Variants in PZP observed in about 807,000 individuals in gnomAD.
PZP encodes the protein pregnancy zone protein.
In PZP, 150 loss-of-function variants were observed where a neutral mutation model predicts 179.8. That is an observed-to-expected ratio of 0.83 (90% CI 0.73 to 0.96). The LOEUF (loss-of-function observed/expected upper bound fraction) is 0.96, where lower values mean the gene tolerates loss of function less well. PZP is among the 40% of genes least tolerant of loss of function. The pLI, the probability that PZP is intolerant of heterozygous loss-of-function variation, is 0.00. For missense variants in PZP, 1,689 were observed against 1,764.0 expected, an observed-to-expected ratio of 0.96 and a Z score of 0.76; for synonymous variants, 624 against 652.3, an observed-to-expected ratio of 0.96 and a Z score of 0.66.
Position 9,192,251 on chromosome 12 carries a change from C to A in PZP, c.1488G>T (p.Met496Ile). The change falls in exon 13 of 36, where the codon ATG becomes ATT. Residue 496 changes from methionine (M) to isoleucine (I), a missense_variant. This residue lies in a region of PZP where 742 missense variants were observed against 730.5 expected (regional missense o/e 1.02). Transcript: ENST00000261336. ...CAGATCTGACGATGACTCCCTTAGC[C>A]ATGATCTGAAATGAAAAAACAGTGA... ...LSELSFHYLI[M>I]AKGVIVRSGT... is the part of the protein sequence containing the mutation. 6.2e-7 allele frequency: 1 copy of A among 1,613,944 alleles called. No individual in the cohort carries two copies. The highest frequency in any genetic ancestry group is 8.5e-7 in the Non-Finnish European group (1 of 1,179,874).
At position 9,162,730 on chromosome 12, in the gene PZP, G is replaced by A. The variant is rs746243703; in HGVS notation, c.2737-82C>T. On this transcript the variant is annotated intron_variant, in intron 21 of 35. Transcript: ENST00000261336. ...CCACATGGATTCCTTTCTTTGATGG[G>A]TAGGGTTTACACGAATGATGTTTAC... 9.1e-5 allele frequency: 104 copies of A among 1,138,434 alleles called. 1 individual carries two copies. In the African/African-American group the frequency reaches 1.2e-3, roughly 13 times the overall value. 70.5% of individuals were successfully genotyped at this position (1,138,434 alleles called of 1,614,324 possible).
chr12:9,193,742 A>G (rs1255271231), intron 11 of PZP, among the ~76,000 whole-genome samples: 1 of 152,172 alleles, frequency 6.6e-6, no homozygotes, highest in African/African-American at 2.4e-5. Context: ...TGATCACTTT[A>G]CAAAATTTCT....
chr12:9,150,683 T>C lies in PZP; in HGVS notation c.4345A>G (p.Lys1449Glu). 6.2e-7 allele frequency: 1 copy of C among 1,612,824 alleles called. No individual in the cohort carries two copies. The highest frequency in any genetic ancestry group is 8.5e-7 in the Non-Finnish European group (1 of 1,179,152). The change falls in exon 34 of 36, where the codon AAG becomes GAG. Residue 1449 changes from lysine (K) to glutamate (E), a missense_variant. This residue lies in a region of PZP where 746 missense variants were observed against 749.2 expected (regional missense o/e 1.00). Transcript: ENST00000261336. ...TCATAGACTTTAACAATTGCTGGCT[T>C]CAAGTCTCCTACTGGGATGTCTTGC... ...VLQDIPVGDL[K>E]PAIVKVYDYY...
chr12:9,166,270 G>T, intron 17 of PZP, 68 bp from the exon 18 acceptor site: 1 of 1,509,800 alleles, frequency 6.6e-7, no homozygotes, highest in Non-Finnish European at 9.0e-7. Flanking sequence ...CATGTGAGAC[G>T]TTAGAGAACA....
chr12:9,154,890 A>G (rs1178039908), intron 28 of PZP, 51 bp from the exon 29 acceptor site: 20 of 1,506,992 alleles, frequency 1.3e-5, no homozygotes, highest in Non-Finnish European at 1.8e-5. Flanking sequence ...AAGTAATTAT[A>G]ACTGGTAGAT....
At chr12:9,178,813 G>T (rs4882983) in intron 15 of PZP, among the ~76,000 whole-genome samples, 1 of 151,964 alleles carries the variant, frequency 6.6e-6, no homozygotes, top group Non-Finnish European at 1.5e-5. Context: ...ACACACCCCT[G>T]CAGATCAGGG....
At chr12:9,150,529 G>T in intron 34 of PZP, 115 bp downstream of exon 34, 1 of 695,228 alleles carries the variant, frequency 1.4e-6, no homozygotes, top group Non-Finnish European at 2.4e-6. Flanking sequence ...GTACATCTTG[G>T]AGGAAAGAAA....
At position 9,193,718 on chromosome 12, in the gene PZP, AGT is replaced by A. The variant is rs143202543; in HGVS notation, c.1254+357_1254+358del. 3.3e-5 allele frequency among the ~76,000 whole-genome samples: 5 copies of A among 151,906 alleles called. No individual in the cohort carries two copies. In the East Asian group the frequency reaches 5.8e-4, roughly 18 times the overall value. ...CATCGTCATTAGACAGTGTATATTA[AGT>A]GTGTGTGTGTGTGATCACTTTACAA... On this transcript the variant is annotated intron_variant, in intron 11 of 35. Coordinates refer to ENST00000261336, the MANE Select transcript of PZP (RefSeq NM_002864.3).
intron 4 of PZP, 23 bp from the exon 5 acceptor site, chr12:9,201,370 A>G: frequency 1.3e-6 from 2 of 1,545,008 alleles, no homozygotes; most frequent in Non-Finnish European, 8.9e-7. Context: ...AGGAAAGAAG[A>G]GATGTGATTA....
chr12:9,136,591 G>T, the PZP span, among the ~76,000 whole-genome samples: 1 of 152,060 alleles, frequency 6.6e-6, no homozygotes, highest in African/African-American at 2.4e-5. Context: ...TACAAATATA[G>T]ATGAATATAT....
intron 30 of PZP, 29 bp from the exon 31 acceptor site, chr12:9,152,980 T>A (rs1373034657): frequency 3.1e-6 from 5 of 1,613,776 alleles, no homozygotes; most frequent in Non-Finnish European, 4.2e-6. Context: ...ACTATCAGTT[T>A]CTCTCTTTTT....
chr12:9,192,136 A>G (rs1405590788), intron 13 of PZP, 57 bp downstream of exon 13: 3 of 1,424,850 alleles, frequency 2.1e-6, no homozygotes, highest in East Asian at 4.6e-5. Context: ...ACTGTCACCG[A>G]GGGAAGGGTA....
At chr12:9,162,116 C>G (rs1402171496) in intron 22 of PZP, among the ~76,000 whole-genome samples, 1 of 152,156 alleles carries the variant, frequency 6.6e-6, no homozygotes, top group East Asian at 1.9e-4. Context: ...CGCCCGCCAC[C>G]AGGCCTGGCT....
chr12:9,146,760 C>T (rs1036354966), downstream of PZP, among the ~76,000 whole-genome samples: 6 of 152,110 alleles, frequency 3.9e-5, no homozygotes, highest in Non-Finnish European at 8.8e-5. Context: ...TTGTGATGAG[C>T]TAGGGGAGTT....
rs987746360 is a variant in PZP at position 9,205,019 on chromosome 12, G to A, written c.84-1068C>T. On this transcript the variant is annotated intron_variant, in intron 1 of 35. Coordinates refer to ENST00000261336, the MANE Select transcript of PZP (RefSeq NM_002864.3). Reference sequence around the variant, plus strand: ...GGCTGAGGCAAGAAGGATCACTTAAGCCCACGAGGTTGAGGCTACAGTGAG... The same window carrying A: ...GGCTGAGGCAAGAAGGATCACTTAAACCCACGAGGTTGAGGCTACAGTGAG... Among the ~76,000 whole-genome samples the A allele has an allele frequency of 2.6e-5, 4 of 152,208 alleles. No individual in the cohort carries two copies. In the South Asian group the frequency reaches 6.2e-4, roughly 24 times the overall value.
intron 12 of PZP, 38 bp from the exon 13 acceptor site, chr12:9,192,294 G>C: frequency 6.3e-7 from 1 of 1,588,758 alleles, no homozygotes; most frequent in Non-Finnish European, 8.6e-7. Flanking sequence ...TTCTTGAGCT[G>C]GACACAGTTC....
chr12:9,169,569 T>G lies in PZP; in HGVS notation c.1862A>C (p.Lys621Thr). 6.2e-7 allele frequency: 1 copy of G among 1,612,582 alleles called. No individual in the cohort carries two copies. The highest frequency in any genetic ancestry group is 8.5e-7 in the Non-Finnish European group (1 of 1,179,466). Residue 621 changes from lysine (K) to threonine (T), a missense_variant, in exon 16 of 36, where the codon AAG (lysine) becomes ACG (threonine). Transcript: ENST00000261336. ...ATTGTCAGGAAAATTGGTGAGATCCTTCACAGTTAGCAGATTATATACCTG... is the reference window on the plus strand; with the variant it reads ...ATTGTCAGGAAAATTGGTGAGATCCGTCACAGTTAGCAGATTATATACCTG... ...VSSVYNLLTVKDLTNFPDNVD... is the reference protein window; with the variant it reads ...VSSVYNLLTVTDLTNFPDNVD...
intron 27 of PZP, 111 bp downstream of exon 27, chr12:9,157,656 C>T: frequency 2.1e-6 from 2 of 957,604 alleles, no homozygotes; most frequent in South Asian, 3.1e-5. Flanking sequence ...TCTGAGAAAT[C>T]CCTCATCATT....
At position 9,194,348 on chromosome 12, in the gene PZP, A is replaced by G. The variant is rs760557140; in HGVS notation, c.1093-110T>C. 12 of 957,856 alleles carry G rather than the reference A, an allele frequency of 1.3e-5. No homozygotes were observed. The Admixed American group carries it at 2.9e-4, about 23-fold the overall frequency. 59.3% of individuals were successfully genotyped at this position (957,856 alleles called of 1,614,324 possible). On this transcript the variant is annotated intron_variant, in intron 10 of 35. Transcript: ENST00000261336. ...AACTAAAACAACAACCTCCCCCTCA[A>G]AAAAACCCCACCAAACCTTCATATT...
Sources: allele counts gnomAD v4.1 joint callset (sites outside exome capture counted in the v4.1 genomes callset), GRCh38; gene constraint gnomAD v4.1.1; regional missense constraint gnomAD v4.1.1; transcripts MANE v1.5; gene names NCBI Gene and HGNC (gene_info 2026-07-23, HGNC 2026-07-21).